Variants in ANO2 observed in about 807,000 individuals in gnomAD.
ANO2 encodes the protein anoctamin 2.
ANO2 carries 101 observed loss-of-function variants against 124.2 expected under a neutral mutation model. The observed-to-expected ratio is 0.81, with a 90% CI of 0.69 to 0.96. ANO2 has a LOEUF of 0.96. Ranked by LOEUF, ANO2 falls within the 40% of genes least tolerant of loss-of-function variation. The pLI is 0.00. For synonymous variants in ANO2, 486 were observed against 482.5 expected, an observed-to-expected ratio of 1.01 and a Z score of -0.09; for missense variants, 1,293 against 1,274.5, an observed-to-expected ratio of 1.01 and a Z score of -0.22.
chr12:5,594,642 C>A (rs1943572082), intron 20 of ANO2, among the ~76,000 whole-genome samples: 1 of 152,142 alleles, frequency 6.6e-6, no homozygotes, highest in Admixed American at 6.5e-5. Flanking sequence ...TAGAGACCAG[C>A]CTGGGCAACA....
intron 10 of ANO2, among the ~76,000 whole-genome samples, chr12:5,782,181 T>C (rs1952419811): frequency 6.6e-6 from 1 of 152,226 alleles, no homozygotes; most frequent in Non-Finnish European, 1.5e-5. Context: ...AACCCCTTTG[T>C]CAATATAAAT....
At chr12:5,565,051 G>A (rs542016712) in intron 24 of ANO2, among the ~76,000 whole-genome samples, 2 of 152,094 alleles carry the variant, frequency 1.3e-5, no homozygotes, top group Non-Finnish European at 2.9e-5. Context: ...CACTGGGCTC[G>A]AGTTTGCTAT....
rs1955313835 is a variant in ANO2, at chr12:5,862,836, G to C, written c.535-8695C>G. Among the ~76,000 whole-genome samples the C allele has an allele frequency of 6.6e-6, 1 of 151,914 alleles. No individual in the cohort carries two copies. The highest frequency in any genetic ancestry group is 2.4e-5 in the African/African-American group (1 of 41,334). ...ACAAAATTTCGCTCTTGTTACCCAG[G>C]CTGGAGTGCAATGGCGCAATCTTGG... On this transcript the variant is annotated intron_variant, in intron 3 of 24. Transcript: ENST00000682330. The surrounding 1 kb of genome is among the most constrained non-coding windows in gnomAD (Gnocchi z 4.0).
chr12:5,734,068 A>G (rs539918133), intron 13 of ANO2, among the ~76,000 whole-genome samples: 2 of 152,300 alleles, frequency 1.3e-5, no homozygotes, highest in African/African-American at 4.8e-5. Context: ...CCGTTCTCCA[A>G]CACAGCATTT....
intron 10 of ANO2, among the ~76,000 whole-genome samples, chr12:5,774,350 C>G (rs1397233576): frequency 1.3e-5 from 2 of 152,040 alleles, no homozygotes; most frequent in African/African-American, 4.8e-5. Context: ...ACCTGCAGTC[C>G]CAGCTACTCA....
intron 14 of ANO2, among the ~76,000 whole-genome samples, chr12:5,653,665 C>A (rs954932215): frequency 6.6e-6 from 1 of 152,166 alleles, no homozygotes; most frequent in Admixed American, 6.5e-5. Context: ...TAGCACCAGG[C>A]ACTAGGCATA....
At chr12:5,936,326 C>T (rs778708364) in intron 1 of ANO2, among the ~76,000 whole-genome samples, 2 of 152,064 alleles carry the variant, frequency 1.3e-5, no homozygotes, top group Non-Finnish European at 2.9e-5. Context: ...GGTGTCTCTT[C>T]CAAAATTCAT....
intron 19 of ANO2, among the ~76,000 whole-genome samples, chr12:5,601,299 CAAAT>C (rs1443513461): frequency 6.6e-6 from 1 of 151,878 alleles, no homozygotes; most frequent in East Asian, 1.9e-4. Context: ...TAAAGATAGA[CAAAT>C]ATATCATTGT....
At chr12:5,800,090 AG>A (rs1952993410) in intron 9 of ANO2, among the ~76,000 whole-genome samples, 1 of 152,238 alleles carries the variant, frequency 6.6e-6, no homozygotes, top group South Asian at 2.1e-4. Flanking sequence ...TGTTGTAGAC[AG>A]GATGGCCAGG....
At chr12:5,695,337 A>G (rs376410299) in intron 14 of ANO2, among the ~76,000 whole-genome samples, 2,052 of 151,298 alleles carry the variant, frequency 0.014, 50 homozygotes, top group African/African-American at 0.046. Flanking sequence ...AATCTTTAAG[A>G]TCATTGGTCA....
chr12:5,851,909 T>C (rs369221092), intron 4 of ANO2: 1 of 733,516 alleles, frequency 1.4e-6, no homozygotes, highest in Non-Finnish European at 2.5e-6. Context: ...CTAAAAGGGT[T>C]ACCCTGGGGG....
At chr12:5,730,367 C>A (rs1036096358) in intron 14 of ANO2, among the ~76,000 whole-genome samples, 2 of 152,208 alleles carry the variant, frequency 1.3e-5, no homozygotes, top group African/African-American at 4.8e-5. Flanking sequence ...AGCTTCCCCA[C>A]AACCAGCTAC....
chr12:5,693,304 A>C (rs1040443464), intron 14 of ANO2, among the ~76,000 whole-genome samples: 1 of 152,198 alleles, frequency 6.6e-6, no homozygotes, highest in African/African-American at 2.4e-5. Context: ...CTTCAAGTTC[A>C]TATCAAAATC....
chr12:5,578,278 C>T (rs1942536077), intron 21 of ANO2, 88 bp downstream of exon 21: 2 of 1,521,714 alleles, frequency 1.3e-6, no homozygotes, highest in African/African-American at 1.4e-5. Context: ...TCCCAGCCCT[C>T]TTGATTCCTG....
At chr12:5,566,675 G>A (rs1380405348) in intron 23 of ANO2, among the ~76,000 whole-genome samples, 1 of 152,156 alleles carries the variant, frequency 6.6e-6, no homozygotes, top group East Asian at 1.9e-4. Context: ...TTTCTGGAAG[G>A]TTTCACATTT....
chr12:5,829,772 A>G (rs533139719), intron 6 of ANO2, among the ~76,000 whole-genome samples: 68 of 152,346 alleles, frequency 4.5e-4, no homozygotes, highest in Admixed American at 1.7e-3. Flanking sequence ...CAGAGGCCAC[A>G]GAAACACAGG....
At chr12:5,724,494 C>G (rs76312788) in intron 14 of ANO2, among the ~76,000 whole-genome samples, 2,950 of 152,300 alleles carry the variant, frequency 0.019, 88 homozygotes, top group African/African-American at 0.063. Flanking sequence ...TCCACCCACG[C>G]GCATGCTCCA....
chr12:5,744,306 C>T lies in ANO2; in HGVS notation c.1202G>A (p.Cys401Tyr). ...CATGGTGAAGGCATTCTGCTGGTCA[C>T]ACATCTCTCTGCTGCAATAGATGGA... ...IEEDIPSREM[C>Y]DQQNAFTMCP... The change falls in exon 12 of 25, where the codon TGT becomes TAT. Residue 401 changes from cysteine (C) to tyrosine (Y), a missense_variant. Transcript: ENST00000682330. The T allele has an allele frequency of 1.2e-6, 2 of 1,613,980 alleles. No homozygotes were observed. Among genetic ancestry groups the T allele is most frequent in the Non-Finnish European group, 1.7e-6 (2 of 1,179,866 alleles).
rs74397565 is a variant in ANO2 at position 5,718,576 on chromosome 12, G to T, written c.1545+13944C>A. 1.1e-3 allele frequency among the ~76,000 whole-genome samples: 170 copies of T among 152,352 alleles called. 6 individuals are homozygous for T. The East Asian group carries it at 0.03, about 26-fold the overall frequency. On this transcript the variant is annotated intron_variant, in intron 14 of 24. Transcript: ENST00000682330. ...AAAGCACATGTTTATGCGAGGTAAAGGATTAAAATTAGTGCCAATCATTTT... is the reference window on the plus strand; with the variant it reads ...AAAGCACATGTTTATGCGAGGTAAATGATTAAAATTAGTGCCAATCATTTT...
Sources: gnomAD v4.1 joint callset for allele counts (sites outside exome capture counted in the v4.1 genomes callset) on GRCh38, gnomAD v4.1.1 for gene constraint, Gnocchi (gnomAD v3.1) non-coding constraint, MANE v1.5 for transcripts, NCBI Gene and HGNC (gene_info 2026-07-23, HGNC 2026-07-21) for gene names.